The following TBC1D22A variants were observed in gnomAD, a reference collection of about 807,000 sequenced individuals.
TBC1D22A encodes the protein putative GTPase activator.
TBC1D22A carries 38 observed loss-of-function variants against 60.2 expected under a neutral mutation model. That is an observed-to-expected ratio of 0.63 (90% CI 0.49 to 0.83). TBC1D22A has a LOEUF of 0.83. Among genes scored for constraint, TBC1D22A ranks in the 40% least tolerant of loss-of-function variants. The probability of loss-of-function intolerance (pLI) is 0.00; values close to 1 mark genes in which losing one functional copy is unlikely to be tolerated. For missense variants in TBC1D22A, 628 were observed against 701.0 expected, an observed-to-expected ratio of 0.90 and a Z score of 1.18; for synonymous variants, 302 against 281.7, an observed-to-expected ratio of 1.07 and a Z score of -0.72.
intron 7 of TBC1D22A, among the ~76,000 whole-genome samples, chr22:46,896,411 T>C (rs2068680348): frequency 6.6e-6 from 1 of 152,362 alleles, no homozygotes; most frequent in Non-Finnish European, 1.5e-5. Context: ...ATGCATGTTA[T>C]CTAAAGAACT....
chr22:47,090,644 C>A (rs765750728), intron 11 of TBC1D22A, among the ~76,000 whole-genome samples: 2 of 152,144 alleles, frequency 1.3e-5, no homozygotes, highest in Non-Finnish European at 2.9e-5. Flanking sequence ...TGCTCCAGGT[C>A]TGGGTCGGTT....
intron 12 of TBC1D22A, among the ~76,000 whole-genome samples, chr22:47,151,312 C>CA (rs906033759): frequency 6.6e-6 from 1 of 152,240 alleles, no homozygotes; most frequent in African/African-American, 2.4e-5. Flanking sequence ...CCGGCGCACT[C>CA]ACGCAGAACC....
At chr22:47,014,559 A>G (rs1335174413) in intron 10 of TBC1D22A, among the ~76,000 whole-genome samples, 3 of 152,158 alleles carry the variant, frequency 2.0e-5, no homozygotes, top group African/African-American at 7.2e-5. Context: ...TACTGTCCCT[A>G]TGCCCCACCA....
chr22:47,021,746 G>T (rs2062098161), intron 10 of TBC1D22A, among the ~76,000 whole-genome samples: 1 of 152,220 alleles, frequency 6.6e-6, no homozygotes, highest in South Asian at 2.1e-4. Context: ...ATGGTAATTG[G>T]TTACAGAGCA....
At chr22:46,887,888 A>T (rs2068200571) in intron 5 of TBC1D22A, among the ~76,000 whole-genome samples, 1 of 151,984 alleles carries the variant, frequency 6.6e-6, no homozygotes, top group Non-Finnish European at 1.5e-5. Context: ...CCTGAGTGTA[A>T]TTTATAATAT....
chr22:46,820,884 A>G (rs1176244946), intron 4 of TBC1D22A, among the ~76,000 whole-genome samples: 2 of 152,126 alleles, frequency 1.3e-5, no homozygotes, highest in African/African-American at 4.8e-5. Context: ...GTCTCTAAGA[A>G]CTTGCTTTAT....
intron 4 of TBC1D22A, among the ~76,000 whole-genome samples, chr22:46,820,876 C>T (rs1234108340): frequency 6.6e-6 from 1 of 152,154 alleles, no homozygotes; most frequent in African/African-American, 2.4e-5. Flanking sequence ...CTTTGTAGGT[C>T]TCTAAGAACT....
chr22:47,057,966 C>A lies in TBC1D22A; in HGVS notation c.1329+20768C>A, dbSNP rs368015811. Among the ~76,000 whole-genome samples, 4 of 152,296 alleles carry A rather than the reference C, an allele frequency of 2.6e-5. No homozygotes were observed. The South Asian group carries it at 8.3e-4, about 32-fold the overall frequency. On this transcript the variant is annotated intron_variant, in intron 11 of 12. Coordinates refer to ENST00000337137, the MANE Select transcript of TBC1D22A (RefSeq NM_014346.5). ...GATCCTGGGCTTGTGGTCAGGCAGG[C>A]CCCACGAGGATCTCAGCTGCGTCAT... is the stretch of plus-strand genomic sequence containing the variant.
At chr22:46,830,998 G>A (rs982522881) in intron 4 of TBC1D22A, among the ~76,000 whole-genome samples, 41 of 152,184 alleles carry the variant, frequency 2.7e-4, no homozygotes, top group African/African-American at 9.6e-4. Flanking sequence ...GTCCCAGTGA[G>A]TCATGCTGGG....
chr22:46,882,737 T>C (rs1182013698), intron 5 of TBC1D22A, among the ~76,000 whole-genome samples: 2 of 152,188 alleles, frequency 1.3e-5, no homozygotes, highest in Non-Finnish European at 2.9e-5. Context: ...ACGCCCAGAA[T>C]TGAGAATTTA....
chr22:46,886,293 C>G (rs2068112531), intron 5 of TBC1D22A, among the ~76,000 whole-genome samples: 1 of 152,150 alleles, frequency 6.6e-6, no homozygotes, highest in South Asian at 2.1e-4. Context: ...GAATAATGGC[C>G]ACACCTTTCC....
Position 46,912,038 on chromosome 22 carries a change from A to T in TBC1D22A, c.901-36A>T, listed in dbSNP as rs75872785. On this transcript the variant is annotated intron_variant, in intron 7 of 12. Coordinates refer to ENST00000337137, the MANE Select transcript of TBC1D22A (RefSeq NM_014346.5). Reference sequence around the variant, plus strand: ...TCATTTTAAAGTTTCTGCCATGTTTACTTTTTGCTTTACCACCTGTTCCAT... The same window carrying T: ...TCATTTTAAAGTTTCTGCCATGTTTTCTTTTTGCTTTACCACCTGTTCCAT... The T allele has an allele frequency of 5.9e-3, 8,650 of 1,459,774 alleles. 224 individuals are homozygous for T. In the African/African-American group the frequency reaches 0.07, roughly 12 times the overall value. 90.4% of individuals were successfully genotyped at this position (1,459,774 alleles called of 1,614,324 possible). A position where few individuals can be genotyped will look rare whatever the true frequency, so the allele number is the denominator to read the frequency against.
chr22:46,849,854 G>C (rs1252679688), intron 4 of TBC1D22A, among the ~76,000 whole-genome samples: 2 of 152,186 alleles, frequency 1.3e-5, no homozygotes, highest in African/African-American at 4.8e-5. Context: ...ATGTGTGGCT[G>C]GTGGATTGCC....
Position 46,853,804 on chromosome 22 carries a change from G to A in TBC1D22A, c.638-24849G>A, listed in dbSNP as rs560397155. On this transcript the variant is annotated intron_variant, in intron 4 of 12. Coordinates refer to ENST00000337137, the MANE Select transcript of TBC1D22A (RefSeq NM_014346.5). ...AGGGCCTCGTCCTCTGGGCCCTGGAGACTCAGCAGTGAGCACGTGGCTGGT... is the reference window on the plus strand; with the variant it reads ...AGGGCCTCGTCCTCTGGGCCCTGGAAACTCAGCAGTGAGCACGTGGCTGGT... Among the ~76,000 whole-genome samples, 10 of 152,212 alleles carry A rather than the reference G, an allele frequency of 6.6e-5. No homozygotes were observed. In the East Asian group the frequency reaches 1.9e-3, roughly 29 times the overall value.
chr22:47,061,898 G>C (rs1029274068), intron 11 of TBC1D22A, among the ~76,000 whole-genome samples: 2 of 151,946 alleles, frequency 1.3e-5, no homozygotes, highest in Non-Finnish European at 2.9e-5. Context: ...GACCAGCCTG[G>C]CCAACATGGC....
At chr22:47,036,923 C>A in intron 10 of TBC1D22A, 148 bp from the exon 11 acceptor site, 1 of 838,882 alleles carries the variant, frequency 1.2e-6, no homozygotes, top group Non-Finnish European at 1.8e-6. Flanking sequence ...AGAATCAGTT[C>A]TTTGCTCCTT....
chr22:46,950,363 G>A (rs2072823586), intron 8 of TBC1D22A, among the ~76,000 whole-genome samples: 1 of 152,160 alleles, frequency 6.6e-6, no homozygotes, highest in South Asian at 2.1e-4. Flanking sequence ...TTGGATGGGT[G>A]CCGTTTGTGT....
At chr22:47,049,865 A>G (rs131917) in intron 11 of TBC1D22A, among the ~76,000 whole-genome samples, 104,834 of 152,170 alleles carry the variant, frequency 0.69, 36,665 homozygotes, top group East Asian at 0.92. Flanking sequence ...GTATTTAGAA[A>G]TAGTCCCGTA....
intron 4 of TBC1D22A, among the ~76,000 whole-genome samples, chr22:46,838,482 TAAAG>T (rs1458116009): frequency 2.6e-5 from 4 of 152,202 alleles, no homozygotes; most frequent in Non-Finnish European, 4.4e-5. Flanking sequence ...ACCAAATACT[TAAAG>T]AAGAATGAAT....
Sources: allele counts gnomAD v4.1 joint callset (sites outside exome capture counted in the v4.1 genomes callset), GRCh38; gene constraint gnomAD v4.1.1; transcripts MANE v1.5; gene names NCBI Gene and HGNC (gene_info 2026-07-23, HGNC 2026-07-21).